The following PDE10A variants were observed in gnomAD, a reference collection of about 807,000 sequenced individuals.
PDE10A encodes the protein cAMP and cAMP-inhibited cGMP 3',5'-cyclic phosphodiesterase 10A.
PDE10A carries 39 observed loss-of-function variants against 97.7 expected under a neutral mutation model. The observed-to-expected ratio is 0.40, with a 90% confidence interval of 0.31 to 0.52. The LOEUF (loss-of-function observed/expected upper bound fraction) is 0.52. PDE10A is among the 20% of genes least tolerant of loss of function. PDE10A has a pLI of 0.56. For synonymous variants in PDE10A, 371 were observed against 376.8 expected (o/e 0.98, Z 0.18); for missense variants, 731 against 1,047.8 (o/e 0.70, Z 4.17).
intron 1 of PDE10A, chr6:165,947,325 T>C: frequency 6.6e-6 from 1 of 152,242 alleles, no homozygotes; most frequent in Non-Finnish European, 1.5e-5. Context: ...TGGCCATTGC[T>C]GATGCTTAAG....
intron 18 of PDE10A, among the ~76,000 whole-genome samples, chr6:165,345,356 C>A (rs1782237346): frequency 6.6e-6 from 1 of 152,086 alleles, no homozygotes; most frequent in East Asian, 1.9e-4. Context: ...ATTACTTAGA[C>A]AAAGCACAAA....
intron 1 of PDE10A, among the ~76,000 whole-genome samples, chr6:165,925,904 T>A (rs975531065): frequency 3.3e-5 from 5 of 152,230 alleles, no homozygotes; most frequent in Admixed American, 3.3e-4. Flanking sequence ...ATATGGTGGA[T>A]GGATTTTATC....
chr6:165,657,440 A>T (rs551243988), intron 1 of PDE10A, among the ~76,000 whole-genome samples: 1 of 152,374 alleles, frequency 6.6e-6, no homozygotes, highest in African/African-American at 2.4e-5. Context: ...TTTACATGAA[A>T]ATTATTTTTT....
intron 1 of PDE10A, among the ~76,000 whole-genome samples, chr6:165,822,861 G>A (rs1779612385): frequency 6.6e-6 from 1 of 151,810 alleles, no homozygotes; most frequent in Non-Finnish European, 1.5e-5. Context: ...TTTTGAGACG[G>A]AGTCTTGCTG....
chr6:165,735,377 G>A (rs906014880), intron 1 of PDE10A, among the ~76,000 whole-genome samples: 10 of 151,762 alleles, frequency 6.6e-5, no homozygotes, highest in Non-Finnish European at 1.2e-4. Flanking sequence ...TGGGTAGGTA[G>A]GTAGGTAGGA....
intron 1 of PDE10A, among the ~76,000 whole-genome samples, chr6:165,837,724 C>T (rs1193721906): frequency 1.4e-5 from 2 of 142,400 alleles, no homozygotes; most frequent in African/African-American, 2.6e-5. Context: ...CTCACTCCGT[C>T]GCCCAGGCTG....
intron 2 of PDE10A, among the ~76,000 whole-genome samples, chr6:165,501,219 A>C (rs1233178485): frequency 1.3e-5 from 2 of 152,146 alleles, no homozygotes; most frequent in African/African-American, 2.4e-5. Context: ...AAACACCCAC[A>C]GGTGTGGAGG....
intron 1 of PDE10A, among the ~76,000 whole-genome samples, chr6:165,826,643 G>A (rs2128470243): frequency 6.6e-6 from 1 of 152,264 alleles, no homozygotes; most frequent in Non-Finnish European, 1.5e-5. Context: ...GTGCGGGGGA[G>A]GCCGAGGTAC....
At chr6:165,485,711 G>C (rs9459422) in intron 2 of PDE10A, among the ~76,000 whole-genome samples, 1 of 151,172 alleles carries the variant, frequency 6.6e-6, no homozygotes, top group Non-Finnish European at 1.5e-5. Context: ...TCCTGCCTCA[G>C]CCTCCTGAGT....
At chr6:165,653,776 C>T (rs1789801915) in intron 1 of PDE10A, among the ~76,000 whole-genome samples, 1 of 152,202 alleles carries the variant, frequency 6.6e-6, no homozygotes, top group South Asian at 2.1e-4. Flanking sequence ...GGTATCTCCC[C>T]ACACCGTGCC....
intron 1 of PDE10A, among the ~76,000 whole-genome samples, chr6:165,979,201 GC>G (rs984844583): frequency 1.3e-5 from 2 of 152,224 alleles, no homozygotes; most frequent in African/African-American, 4.8e-5. Context: ...GGGAGCTGGA[GC>G]TGGGTAAGGG....
intron 1 of PDE10A, among the ~76,000 whole-genome samples, chr6:165,838,406 T>G (rs912480401): frequency 3.3e-5 from 5 of 152,198 alleles, no homozygotes; most frequent in Admixed American, 3.3e-4. Context: ...TTTTTAAAAA[T>G]TGAGATATAA....
At chr6:165,882,861 G>A (rs1333886844) in intron 1 of PDE10A, among the ~76,000 whole-genome samples, 1 of 151,664 alleles carries the variant, frequency 6.6e-6, no homozygotes, top group African/African-American at 2.4e-5. Flanking sequence ...TTGGTGCTTT[G>A]GTTTATCACG....
chr6:165,559,823 G>A (rs1784436989), intron 1 of PDE10A, among the ~76,000 whole-genome samples: 1 of 152,088 alleles, frequency 6.6e-6, no homozygotes, highest in African/African-American at 2.4e-5. Flanking sequence ...AAGATGTGAT[G>A]GTTTTATAAG....
At chr6:165,858,044 T>A (rs925619546) in intron 1 of PDE10A, among the ~76,000 whole-genome samples, 4 of 152,220 alleles carry the variant, frequency 2.6e-5, no homozygotes, top group Admixed American at 2.6e-4. Flanking sequence ...GCAAGTAATG[T>A]TAGTTATCAG....
chr6:165,929,436 T>C (rs1470689267), intron 1 of PDE10A, among the ~76,000 whole-genome samples: 1 of 152,182 alleles, frequency 6.6e-6, no homozygotes, highest in Non-Finnish European at 1.5e-5. Flanking sequence ...GTTCCATACA[T>C]GTGATGGAAT....
chr6:165,924,213 T>G (rs1782851943), intron 1 of PDE10A, among the ~76,000 whole-genome samples: 1 of 152,198 alleles, frequency 6.6e-6, no homozygotes, highest in South Asian at 2.1e-4. Flanking sequence ...TCTCTCTGTG[T>G]GTCCAACTCG....
Position 165,388,406 on chromosome 6 carries a change from C to T in PDE10A, c.2502G>A (p.Arg834=). ...IACLCHDLDH[R]GFSNSYLQKF... is the part of the protein sequence containing the mutation. The stretch of plus-strand genomic sequence containing the variant: ...TCTGCAGGTAGCTGTTACTGAAGCC[C>T]CTGTGGTCCAGGTCATGACACAGAC... The change falls in exon 17 of 22, where the codon AGG becomes AGA. Residue 834 remains arginine, a synonymous_variant. Coordinates refer to ENST00000539869, the MANE Select transcript of PDE10A (RefSeq NM_001385079.1). This position sits in a 1 kb window ranked among gnomAD's most constrained non-coding sequence, Gnocchi z 4.0. 3 of 1,614,108 alleles carry T rather than the reference C, an allele frequency of 1.9e-6. No individual in the cohort carries two copies. Among genetic ancestry groups the T allele is most frequent in the Non-Finnish European group, 2.5e-6 (3 of 1,180,002 alleles).
intron 2 of PDE10A, among the ~76,000 whole-genome samples, chr6:165,502,556 T>C (rs576112769): frequency 2.0e-5 from 3 of 152,292 alleles, no homozygotes; most frequent in South Asian, 4.1e-4. Flanking sequence ...AAAAGAGATA[T>C]CACCAAGTAC....
Sources: gnomAD v4.1 joint callset for allele counts (sites outside exome capture counted in the v4.1 genomes callset) on GRCh38, gnomAD v4.1.1 for gene constraint, Gnocchi (gnomAD v3.1) non-coding constraint, MANE v1.5 for transcripts, NCBI Gene and HGNC (gene_info 2026-07-23, HGNC 2026-07-21) for gene names.